Variants in KRT86 observed in about 807,000 individuals in gnomAD.
The protein encoded by KRT86 is keratin 86.
KRT86 carries 30 observed loss-of-function variants against 41.2 expected under a neutral mutation model. The ratio of observed to expected loss-of-function variants is 0.73; its 90% CI spans 0.54 to 0.99. The LOEUF (loss-of-function observed/expected upper bound fraction) is 0.99, where lower values mean the gene tolerates loss of function less well. Ranked by LOEUF, KRT86 falls within the 50% of genes least tolerant of loss-of-function variation. The probability of loss-of-function intolerance (pLI) is 0.00; values close to 1 mark genes in which losing one functional copy is unlikely to be tolerated. For synonymous variants in KRT86, 238 were observed against 238.1 expected, an observed-to-expected ratio of 1.00 and a Z score of 0.00; for missense variants, 561 against 571.4, an observed-to-expected ratio of 0.98 and a Z score of 0.19.
At chr12:52,297,448 T>C (rs904632088) in intron 2 of KRT86, among the ~76,000 whole-genome samples, 1 of 151,922 alleles carries the variant, frequency 6.6e-6, no homozygotes, top group Non-Finnish European at 1.5e-5. Flanking sequence ...AATCCCCGAG[T>C]CCCCCATCTG....
intron 2 of KRT86, chr12:52,288,084 C>G (rs542019661): frequency 6.2e-7 from 1 of 1,614,176 alleles, no homozygotes; most frequent in African/African-American, 1.3e-5. Context: ...GTTCAGGTCC[C>G]GGCTGTTGTC....
chr12:52,301,860 T>C, intron 2 of KRT86, 53 bp from the exon 3 acceptor site: 4 of 1,613,550 alleles, frequency 2.5e-6, no homozygotes, highest in Non-Finnish European at 3.4e-6. Flanking sequence ...CCGACCACTG[T>C]GCTCTCCATT....
chr12:52,294,235 G>A (rs1219743435), intron 2 of KRT86, among the ~76,000 whole-genome samples: 2 of 152,168 alleles, frequency 1.3e-5, no homozygotes, highest in East Asian at 3.8e-4. Context: ...GTGAGTCAAA[G>A]TACATCTCAT....
At chr12:52,285,948 G>T (rs971324002) in intron 2 of KRT86, 7 of 457,244 alleles carry the variant, frequency 1.5e-5, no homozygotes, top group Admixed American at 1.4e-4. Context: ...CAGATCAAGA[G>T]CAGAGGAGGA....
At chr12:52,299,119 A>ATTACCCTACCAGATG (rs1428430392) in intron 2 of KRT86, among the ~76,000 whole-genome samples, 1 of 152,116 alleles carries the variant, frequency 6.6e-6, no homozygotes, top group African/African-American at 2.4e-5. Flanking sequence ...TACCCTTCCC[A>ATTACCCTACCAGATG]GCCTCTGGTA....
Position 52,304,959 on chromosome 12 carries a change from T to C in KRT86, c.667T>C (p.Ser223Pro). ...KDVDCAYLRK[S>P]DLEANVEALI... ...TGTGGACTGCGCCTACCTCCGCAAA[T>C]CAGACCTGGAGGCCAATGTGGAGGC... Residue 223 changes from serine (S) to proline (P), a missense_variant, in exon 6 of 11, where the codon TCA becomes CCA. By Grantham distance (74) the Ser-to-Pro change is moderately conservative. This residue lies in a region of KRT86 where 397 missense variants were observed against 375.9 expected (regional missense o/e 1.06). Transcript: ENST00000423955. The C allele has an allele frequency of 6.2e-7, 1 of 1,613,978 alleles. No homozygotes were observed. The highest frequency in any genetic ancestry group is 8.5e-7 in the Non-Finnish European group (1 of 1,179,984).
chr12:52,280,927 T>C (rs1937758362), intron 2 of KRT86, among the ~76,000 whole-genome samples: 2 of 152,190 alleles, frequency 1.3e-5, no homozygotes, highest in Non-Finnish European at 2.9e-5. Context: ...GCAACCTGCG[T>C]CACTCAGGAC....
In KRT86 at chr12:52,308,431, T is replaced by C. The variant is rs1281176703; in HGVS notation, c.1307T>C (p.Val436Ala). ...GTCAGCAGCTCCCGCGGTGGCGTTG[T>C]CTGTGGCGATCTCTGCGCCTCCACT... is the stretch of plus-strand genomic sequence containing the variant. The part of the protein sequence containing the change: ...VCVSSSRGGV[V>A]CGDLCASTTA... Residue 436 changes from valine to alanine, a missense_variant, in exon 11 of 11, where the codon GTC becomes GCC. Transcript: ENST00000423955. The C allele has an allele frequency of 1.9e-6, 3 of 1,612,006 alleles. No individual in the cohort carries two copies. The highest frequency in any genetic ancestry group is 2.2e-5 in the South Asian group (2 of 91,024).
chr12:52,297,281 A>C (rs1938272654), intron 2 of KRT86, among the ~76,000 whole-genome samples: 3 of 152,216 alleles, frequency 2.0e-5, no homozygotes, highest in African/African-American at 7.2e-5. Context: ...ATGTATGAAA[A>C]GTAGCCCTCT....
At chr12:52,292,801 T>C (rs936889882) in intron 2 of KRT86, among the ~76,000 whole-genome samples, 10 of 152,350 alleles carry the variant, frequency 6.6e-5, no homozygotes, top group Admixed American at 6.5e-4. Flanking sequence ...TAACTCTTAT[T>C]ATATCACCCC....
At chr12:52,305,819 G>A in intron 8 of KRT86, 31 bp downstream of exon 8, 2 of 1,613,964 alleles carry the variant, frequency 1.2e-6, no homozygotes, top group Non-Finnish European at 1.7e-6. Flanking sequence ...AGGTCAGAGA[G>A]ACCGAGGGTC....
intron 2 of KRT86, 49 bp downstream of exon 2, chr12:52,275,995 A>C: frequency 1.0e-6 from 1 of 985,774 alleles, no homozygotes; most frequent in Non-Finnish European, 1.2e-6. Flanking sequence ...TGGGATGGTG[A>C]CCATTATTTA....
intron 2 of KRT86, chr12:52,288,003 T>C: frequency 6.2e-7 from 1 of 1,614,200 alleles, no homozygotes; most frequent in Admixed American, 1.7e-5. Flanking sequence ...GTACCAGGAC[T>C]CGGCCTCGGC....
chr12:52,287,971 C>G (rs1322420105), intron 2 of KRT86: 5 of 1,614,076 alleles, frequency 3.1e-6, no homozygotes, highest in Admixed American at 1.7e-5. Flanking sequence ...GGCAGGTGTC[C>G]TGTGCCACTC....
intron 2 of KRT86, among the ~76,000 whole-genome samples, chr12:52,294,161 C>T (rs1317389127): frequency 2.0e-5 from 3 of 152,014 alleles, no homozygotes; most frequent in Non-Finnish European, 2.9e-5. Flanking sequence ...GAATTTGGGG[C>T]ACTGCTCACA....
rs56677856 is a variant in KRT86 at position 52,304,933 on chromosome 12, A to T, written c.641A>T (p.Asp214Val). 1.2e-6 allele frequency: 2 copies of T among 1,613,926 alleles called. No homozygotes were observed. Among genetic ancestry groups the T allele is most frequent in the African/African-American group, 2.7e-5 (2 of 74,872 alleles). The change falls in exon 6 of 11, where the codon GAT becomes GTT. Residue 214 changes from aspartate to valine, a missense_variant and splice_region_variant. Physicochemically the swap from Asp to Val is radical, Grantham distance 152. This residue lies in a region of KRT86 where 397 missense variants were observed against 375.9 expected (regional missense o/e 1.06). Coordinates refer to ENST00000423955, the MANE Select transcript of KRT86 (RefSeq NM_001320198.2). ...CTCCAACACTCCCCACCTTTCCAGG[A>T]TGTGGACTGCGCCTACCTCCGCAAA... The part of the protein sequence containing the change: ...AENEFVALKK[D>V]VDCAYLRKSD...
At chr12:52,282,340 C>T (rs530386940) in intron 2 of KRT86, among the ~76,000 whole-genome samples, 67 of 152,080 alleles carry the variant, frequency 4.4e-4, no homozygotes, top group Admixed American at 1.4e-3. Context: ...TCACACCATT[C>T]TTCCGCCTCA....
chr12:52,293,660 G>T (rs1938187292), intron 2 of KRT86, among the ~76,000 whole-genome samples: 1 of 152,174 alleles, frequency 6.6e-6, no homozygotes, highest in Non-Finnish European at 1.5e-5. Flanking sequence ...GAAGGACGGG[G>T]TGGAAAACAT....
At chr12:52,284,495 C>T (rs911847166) in intron 2 of KRT86, among the ~76,000 whole-genome samples, 3 of 152,160 alleles carry the variant, frequency 2.0e-5, no homozygotes, top group Admixed American at 6.5e-5. Flanking sequence ...TGGCCTAGGG[C>T]CAGCTTCTGA....
Sources: gnomAD v4.1 joint callset for allele counts (sites outside exome capture counted in the v4.1 genomes callset) on GRCh38, gnomAD v4.1.1 for gene constraint, gnomAD v4.1.1 regional missense constraint, MANE v1.5 for transcripts, NCBI Gene and HGNC (gene_info 2026-07-23, HGNC 2026-07-21) for gene names.